Variants in LHFPL3 observed in about 807,000 individuals in gnomAD.
LHFPL3 encodes LHFPL tetraspan subfamily member 3.
LHFPL3 carries 5 observed loss-of-function variants against 19.3 expected under a neutral mutation model. The observed-to-expected ratio is 0.26, with a 90% CI of 0.14 to 0.54. The LOEUF is 0.54. Among genes scored for constraint, LHFPL3 ranks in the 20% least tolerant of loss-of-function variants. The pLI is 0.94. For synonymous variants in LHFPL3, 133 were observed against 126.2 expected, an observed-to-expected ratio of 1.05 and a Z score of -0.36; for missense variants, 249 against 307.4, an observed-to-expected ratio of 0.81 and a Z score of 1.42.
At chr7:104,628,423 G>A (rs1791584051) in intron 1 of LHFPL3, among the ~76,000 whole-genome samples, 1 of 152,148 alleles carries the variant, frequency 6.6e-6, no homozygotes, top group African/African-American at 2.4e-5. Flanking sequence ...AAATAAAGTT[G>A]TAGAACTCGC....
At chr7:104,611,923 C>T (rs1293366377) in intron 1 of LHFPL3, among the ~76,000 whole-genome samples, 2 of 152,164 alleles carry the variant, frequency 1.3e-5, no homozygotes, top group Non-Finnish European at 2.9e-5. Context: ...CATGGAGGCT[C>T]TTTGGGTGTC....
At chr7:104,659,502 C>G (rs1190231282) in intron 1 of LHFPL3, among the ~76,000 whole-genome samples, 1 of 152,212 alleles carries the variant, frequency 6.6e-6, no homozygotes, top group African/African-American at 2.4e-5. Context: ...CAGGAGTACT[C>G]CATAATATAT....
At chr7:104,825,727 G>C (rs1790804493) in intron 2 of LHFPL3, among the ~76,000 whole-genome samples, 1 of 151,874 alleles carries the variant, frequency 6.6e-6, no homozygotes, top group Admixed American at 6.6e-5. Context: ...ATTTTTGCAT[G>C]TGGCTTCCAT....
At chr7:104,429,349 C>T (rs1036376545) in intron 1 of LHFPL3, among the ~76,000 whole-genome samples, 5 of 126,940 alleles carry the variant, frequency 3.9e-5, no homozygotes, top group African/African-American at 1.3e-4. Flanking sequence ...CTCTTGTTGC[C>T]GAGGCTGGAG....
chr7:104,816,759 A>T (rs1028710636), intron 2 of LHFPL3, among the ~76,000 whole-genome samples: 1 of 152,216 alleles, frequency 6.6e-6, no homozygotes, highest in Non-Finnish European at 1.5e-5. Flanking sequence ...CTCAGGTCTA[A>T]ACAGCCTTTG....
chr7:104,328,879 C>T lies in LHFPL3; in HGVS notation c.100C>T (p.Arg34Trp). 1 of 1,614,198 alleles carries T rather than the reference C, an allele frequency of 6.2e-7. No individual in the cohort carries two copies. Among genetic ancestry groups the T allele is most frequent in the African/African-American group, 1.3e-5 (1 of 75,056 alleles). ...CCACACCAACTATGTGCGGAACTCGCGGGCCATCGGCGTGCTGTGGGCCAT... is the reference window on the plus strand; with the variant it reads ...CCACACCAACTATGTGCGGAACTCGTGGGCCATCGGCGTGCTGTGGGCCAT... ...LYHTNYVRNS[R>W]AIGVLWAIFT... The change falls in exon 1 of 3, where the codon CGG becomes TGG. Residue 34 changes from arginine to tryptophan, a missense_variant. Transcript: ENST00000424859. This position sits in a 1 kb window ranked among gnomAD's most constrained non-coding sequence, Gnocchi z 4.6.
intron 1 of LHFPL3, among the ~76,000 whole-genome samples, chr7:104,384,895 CCATCCA>C (rs1279729857): frequency 6.6e-6 from 1 of 151,092 alleles, no homozygotes; most frequent in African/African-American, 2.4e-5. Flanking sequence ...TAAGCAAGAA[CCATCCA>C]AATCCTGCCC....
chr7:104,668,724 C>CA lies in LHFPL3; in HGVS notation c.446-67951_446-67950insA, dbSNP rs1554422414. 8.0e-5 allele frequency: 126 copies of CA among 1,577,576 alleles called. 3 individuals carry two copies. The African/African-American group carries it at 1.3e-3, about 17-fold the overall frequency. ...TAGGCGTGATGATAGAGGTCCCCCC[C>CA]CCCCCAAAGACCCAAACTGAATCTA... On this transcript the variant is annotated intron_variant, in intron 1 of 2. Coordinates refer to ENST00000424859, the MANE Select transcript of LHFPL3 (RefSeq NM_199000.3).
intron 1 of LHFPL3, among the ~76,000 whole-genome samples, chr7:104,382,649 C>T (rs946662922): frequency 1.4e-4 from 21 of 152,198 alleles, no homozygotes; most frequent in African/African-American, 5.1e-4. Flanking sequence ...TAGATCTTTA[C>T]AGACTGTCAC....
chr7:104,529,524 G>A (rs919040336), intron 1 of LHFPL3, among the ~76,000 whole-genome samples: 2 of 152,150 alleles, frequency 1.3e-5, no homozygotes, highest in Non-Finnish European at 2.9e-5. Flanking sequence ...AGCTGATGAA[G>A]GGTCCTCCAT....
intron 1 of LHFPL3, among the ~76,000 whole-genome samples, chr7:104,676,054 C>T (rs1243413460): frequency 6.6e-6 from 1 of 152,172 alleles, no homozygotes; most frequent in Non-Finnish European, 1.5e-5. Context: ...GCCTGGGGCT[C>T]TCCAACCTTT....
intron 1 of LHFPL3, among the ~76,000 whole-genome samples, chr7:104,571,668 A>G (rs1204925274): frequency 6.6e-6 from 1 of 152,166 alleles, no homozygotes; most frequent in African/African-American, 2.4e-5. Context: ...TCACTGATTA[A>G]CCTGAATTCT....
intron 2 of LHFPL3, among the ~76,000 whole-genome samples, chr7:104,765,692 A>G (rs1245890870): frequency 6.6e-6 from 1 of 152,250 alleles, no homozygotes; most frequent in Non-Finnish European, 1.5e-5. Flanking sequence ...TTTCTGCAAG[A>G]TACTCCGTTG....
chr7:104,365,440 G>T (rs1270873747), intron 1 of LHFPL3, among the ~76,000 whole-genome samples: 1 of 134,486 alleles, frequency 7.4e-6, no homozygotes, highest in Non-Finnish European at 1.6e-5. Flanking sequence ...GATTGTTTTT[G>T]TGATTTTTTT....
chr7:104,739,343 T>C (rs1013416682), intron 2 of LHFPL3, among the ~76,000 whole-genome samples: 2 of 152,170 alleles, frequency 1.3e-5, no homozygotes, highest in Admixed American at 1.3e-4. Flanking sequence ...CAATCAGTAG[T>C]TGTGTATGTT....
chr7:104,744,792 G>T (rs773103054), intron 2 of LHFPL3, among the ~76,000 whole-genome samples: 2 of 152,050 alleles, frequency 1.3e-5, no homozygotes, highest in Non-Finnish European at 2.9e-5. Flanking sequence ...GTTGGCTTCC[G>T]GTCACTGACC....
In LHFPL3 at chr7:104,699,425, G is replaced by T. The variant is rs148061801; in HGVS notation, c.446-37250G>T. 1.7e-3 allele frequency among the ~76,000 whole-genome samples: 259 copies of T among 152,308 alleles called. 1 individual carries two copies. Among genetic ancestry groups the T allele is most frequent in the African/African-American group, 5.1e-3 (214 of 41,562 alleles). Reference sequence around the variant, plus strand: ...GGATGAACCATAACCTTGAAGACATGCTAAGGAAGCCAGCTACAAAAGGAC... The same window carrying T: ...GGATGAACCATAACCTTGAAGACATTCTAAGGAAGCCAGCTACAAAAGGAC... On this transcript the variant is annotated intron_variant, in intron 1 of 2. Transcript: ENST00000424859.
At chr7:104,461,319 A>G (rs1307543867) in intron 1 of LHFPL3, among the ~76,000 whole-genome samples, 1 of 152,174 alleles carries the variant, frequency 6.6e-6, no homozygotes, top group East Asian at 1.9e-4. Flanking sequence ...TTACAATTCA[A>G]GATGATATTT....
intron 1 of LHFPL3, among the ~76,000 whole-genome samples, chr7:104,471,570 T>A (rs1014424080): frequency 1.2e-4 from 18 of 152,220 alleles, no homozygotes; most frequent in South Asian, 4.1e-4. Flanking sequence ...ACAAAGAGTT[T>A]AAAGCCTGTG....
Sources: gnomAD v4.1 joint callset for allele counts (sites outside exome capture counted in the v4.1 genomes callset) on GRCh38, gnomAD v4.1.1 for gene constraint, Gnocchi (gnomAD v3.1) non-coding constraint, MANE v1.5 for transcripts, NCBI Gene and HGNC (gene_info 2026-07-23, HGNC 2026-07-21) for gene names.